The following ORC6 variants were observed in gnomAD, a reference collection of about 807,000 sequenced individuals.
ORC6 encodes the protein origin recognition complex subunit 6.
Under a neutral mutation model 30.0 loss-of-function variants are expected in ORC6, and 31 were observed. The observed-to-expected ratio is 1.03, with a 90% CI of 0.78 to 1.40. The LOEUF is 1.40. Among genes scored for constraint, ORC6 ranks in the 40% most tolerant of loss-of-function variants. The pLI is 0.00. For missense variants in ORC6, 340 were observed against 304.3 expected, an observed-to-expected ratio of 1.12 and a Z score of -0.87; for synonymous variants, 136 against 111.2, an observed-to-expected ratio of 1.22 and a Z score of -1.40.
intron 6 of ORC6, among the ~76,000 whole-genome samples, chr16:46,696,719 G>A (rs980798376): frequency 2.0e-5 from 3 of 152,068 alleles, no homozygotes; most frequent in South Asian, 2.1e-4. Context: ...GCAGTGGCAC[G>A]GTCTCGGCTC....
rs185997860 is a variant in ORC6, at chr16:46,698,153, C to T, written c.*568C>T. On this transcript the variant is annotated 3_prime_UTR_variant, in exon 7 of 7. Coordinates refer to ENST00000219097, the MANE Select transcript of ORC6 (RefSeq NM_014321.4). ...AGATACTCCAGCCTGGGTGACAGAG[C>T]GAGACTTATAGATAGATAGATAGAT... is the stretch of plus-strand genomic sequence containing the variant. 9 of 372,804 alleles carry T rather than the reference C, an allele frequency of 2.4e-5. No individual in the cohort carries two copies. Among genetic ancestry groups the T allele is most frequent in the African/African-American group, 1.1e-4 (4 of 36,402 alleles). The allele number at this position is 372,804 out of a possible 1,614,324, so 23.1% of individuals were successfully genotyped here.
Position 46,691,034 on chromosome 16 carries a change from G to C in ORC6, c.109G>C (p.Gly37Arg). 1 of 1,614,126 alleles carries C rather than the reference G, an allele frequency of 6.2e-7. No individual in the cohort carries two copies. The highest frequency in any genetic ancestry group is 8.5e-7 in the Non-Finnish European group (1 of 1,179,982). The change falls in exon 2 of 7, where the codon GGC (glycine) becomes CGC (arginine). Residue 37 changes from glycine to arginine, a missense_variant. By Grantham distance (125) the Gly-to-Arg change is moderately radical. Coordinates refer to ENST00000219097, the MANE Select transcript of ORC6 (RefSeq NM_014321.4). ...GCGCCTGTCCCGGGTGAAGTGTGTC[G>C]GCCTCTCCGCACGCACCACGGAGAC... is the stretch of plus-strand genomic sequence containing the variant. ...YLRLSRVKCV[G>R]LSARTTETSS... is the part of the protein sequence containing the mutation.
Position 46,698,393 on chromosome 16 carries a change from C to A in ORC6, c.*808C>A. The A allele has an allele frequency of 2.7e-6, 1 of 370,904 alleles. No homozygotes were observed. 23.0% of individuals were successfully genotyped at this position (370,904 alleles called of 1,614,324 possible). On this transcript the variant is annotated 3_prime_UTR_variant, in exon 7 of 7. Transcript: ENST00000219097. ...AGTTAATAAATGTTATTTATATATG[C>A]ATTCAAGTTGTACTTGTCATCAGTT... is the stretch of plus-strand genomic sequence containing the variant.
Position 46,691,003 on chromosome 16 carries a change from G to A in ORC6, c.78G>A (p.Glu26=). The change falls in exon 2 of 7, where the codon GAG becomes GAA. Residue 26 remains glutamate (E), a synonymous_variant. Coordinates refer to ENST00000219097, the MANE Select transcript of ORC6 (RefSeq NM_014321.4). ...CCCTTTTAACCAGGAAAGCAGAGGAGTACTTGCGCCTGTCCCGGGTGAAGT... is the reference window on the plus strand; with the variant it reads ...CCCTTTTAACCAGGAAAGCAGAGGAATACTTGCGCCTGTCCCGGGTGAAGT... ...AEPDMLRKAE[E]YLRLSRVKCV... is the part of the protein sequence containing the mutation. 4 of 1,614,232 alleles carry A rather than the reference G, an allele frequency of 2.5e-6. No homozygotes were observed. The highest frequency in any genetic ancestry group is 3.4e-6 in the Non-Finnish European group (4 of 1,180,036).
At chr16:46,694,430 G>GGGCGGCCGGGCA (rs1391357208) in intron 4 of ORC6, 14 of 146,238 alleles carry the variant, frequency 9.6e-5, no homozygotes, top group African/African-American at 3.5e-4. Flanking sequence ...TTCCCAGTAG[G>GGGCGGCCGGGCA]GGCGGCCGGG....
intron 6 of ORC6, 180 bp downstream of exon 6, chr16:46,696,265 A>G: frequency 1.5e-6 from 1 of 651,950 alleles, no homozygotes; most frequent in Non-Finnish European, 2.8e-6. Context: ...GGTAATTAAG[A>G]ATATGGCTGG....
intron 1 of ORC6, 23 bp downstream of exon 1, chr16:46,689,793 AG>A: frequency 6.4e-7 from 1 of 1,573,822 alleles, no homozygotes; most frequent in South Asian, 1.1e-5. Flanking sequence ...GCGCAAGACC[AG>A]GGCTGGGCTT....
chr16:46,696,337 C>T (rs1966517223), intron 6 of ORC6: 1 of 526,528 alleles, frequency 1.9e-6, no homozygotes, highest in African/African-American at 1.9e-5. Flanking sequence ...GGGAGGATTG[C>T]TTGAGCCCAT....
At position 46,691,932 on chromosome 16, in the gene ORC6, G is replaced by GCACACACA. The variant is rs34549741; in HGVS notation, c.196-430_196-423dup. Among the ~76,000 whole-genome samples the GCACACACA allele has an allele frequency of 2.9e-3, 170 of 59,230 alleles. 30 individuals are homozygous for GCACACACA. The highest frequency in any genetic ancestry group is 0.027 in the Middle Eastern group (2 of 74). The allele number at this position is 59,230 out of a possible 152,430, so 38.9% of individuals were successfully genotyped here. ...AGTTTCCTTTTCCTCTTTCTCTCCT[G>GCACACACA]CACACACACACACACACACACACAC... On this transcript the variant is annotated intron_variant, in intron 2 of 6. Transcript: ENST00000219097.
intron 6 of ORC6, 79 bp from the exon 7 acceptor site, chr16:46,697,379 A>T (rs1966528981): frequency 7.6e-7 from 1 of 1,323,450 alleles, no homozygotes; most frequent in African/African-American, 1.5e-5. Flanking sequence ...ATTTTAGACA[A>T]TTTAAACAAG....
rs374237950 is a variant in ORC6 at position 46,697,557 on chromosome 16, C to T, written c.731C>T (p.Ala244Val). 1.2e-5 allele frequency: 19 copies of T among 1,613,788 alleles called. No homozygotes were observed. The highest frequency in any genetic ancestry group is 1.4e-5 in the Non-Finnish European group (16 of 1,179,844). ...AAAAGAAAAATTTTGGAAAATGCTGCCAGTGCTCAAAAGGCTACAGCAGAG... is the reference window on the plus strand; with the variant it reads ...AAAAGAAAAATTTTGGAAAATGCTGTCAGTGCTCAAAAGGCTACAGCAGAG... ...EWKRKILENA[A>V]SAQKATAE Residue 244 changes from alanine to valine, a missense_variant, in exon 7 of 7, where the codon GCC becomes GTC. By Grantham distance (64) the Ala-to-Val change is moderately conservative (BLOSUM62 0). Coordinates refer to ENST00000219097, the MANE Select transcript of ORC6 (RefSeq NM_014321.4).
intron 4 of ORC6, chr16:46,693,979 T>C (rs1966485632): frequency 1.2e-5 from 1 of 83,038 alleles, no homozygotes; most frequent in South Asian, 4.7e-4. Flanking sequence ...CAAAGGTCTC[T>C]GGTTTTCCTA....
intron 5 of ORC6, 94 bp from the exon 6 acceptor site, chr16:46,695,921 CAG>C: frequency 1.1e-6 from 1 of 906,202 alleles, no homozygotes; most frequent in Non-Finnish European, 1.8e-6. Context: ...CATATTTGAT[CAG>C]TTAAGATGTC....
chr16:46,697,622 AGT>A lies in ORC6; in HGVS notation c.*38_*39del, dbSNP rs1177909941. On this transcript the variant is annotated 3_prime_UTR_variant, in exon 7 of 7. Coordinates refer to ENST00000219097, the MANE Select transcript of ORC6 (RefSeq NM_014321.4). ...AAACTGGTATACATTCCAAACTGAT[AGT>A]ACATTGCCATCTCCAGGAAGACTTG... 2.5e-6 allele frequency: 4 copies of A among 1,603,610 alleles called. No homozygotes were observed.
At chr16:46,696,133 C>T in intron 6 of ORC6, 48 bp downstream of exon 6, 1 of 1,285,472 alleles carries the variant, frequency 7.8e-7, no homozygotes, top group Non-Finnish European at 1.1e-6. Flanking sequence ...ATGCAGTGAA[C>T]AGCCCAGTGC....
At chr16:46,692,881 G>A (rs932823529) in intron 3 of ORC6, among the ~76,000 whole-genome samples, 1 of 15,130 alleles carries the variant, frequency 6.6e-5, no homozygotes, top group African/African-American at 1.6e-4. Context: ...GCGGGGCGGC[G>A]GTGGCGGTGG....
chr16:46,693,687 G>A (rs1330828346), intron 4 of ORC6: 1 of 160,942 alleles, frequency 6.2e-6, no homozygotes, highest in East Asian at 1.7e-4. Context: ...TCCAGTCCTG[G>A]CTTCTCAGCT....
At chr16:46,692,584 A>G in intron 3 of ORC6, 39 bp downstream of exon 3, 1 of 1,578,744 alleles carries the variant, frequency 6.3e-7, no homozygotes, top group Non-Finnish European at 8.7e-7. Context: ...AATGTATACC[A>G]ATAGGCCGGG....
Position 46,698,212 on chromosome 16 carries a change from G to GATAGATAA in ORC6, c.*630_*631insGATAAATA. On this transcript the variant is annotated 3_prime_UTR_variant, in exon 7 of 7. Coordinates refer to ENST00000219097, the MANE Select transcript of ORC6 (RefSeq NM_014321.4). The stretch of plus-strand genomic sequence containing the variant: ...AGATAGATAGATAGATAGATAGATA[G>GATAGATAA]ATAAACGGAATTGGAGCCATTTTGC... 2.2e-6 allele frequency: 1 copy of GATAGATAA among 454,434 alleles called. No individual in the cohort carries two copies. Among genetic ancestry groups the GATAGATAA allele is most frequent in the Non-Finnish European group, 4.4e-6 (1 of 226,244 alleles). The allele number at this position is 454,434 out of a possible 1,614,324, so 28.2% of individuals were successfully genotyped here. A position where few individuals can be genotyped will look rare whatever the true frequency, so the allele number is the denominator to read the frequency against.
Sources: gnomAD v4.1 joint callset for allele counts (sites outside exome capture counted in the v4.1 genomes callset) on GRCh38, gnomAD v4.1.1 for gene constraint, MANE v1.5 for transcripts, NCBI Gene and HGNC (gene_info 2026-07-23, HGNC 2026-07-21) for gene names.